LRRC2: variants seen among roughly 807,000 people sequenced by gnomAD.
LRRC2 encodes the protein leucine-rich repeat-containing protein 2.
Under a neutral mutation model 40.2 loss-of-function variants are expected in LRRC2, and 27 were observed. The ratio of observed to expected loss-of-function variants is 0.67; its 90% CI spans 0.49 to 0.93. LRRC2 has a LOEUF of 0.93. Ranked by LOEUF, LRRC2 falls within the 40% of genes least tolerant of loss-of-function variation. The pLI is 0.00. For missense variants in LRRC2, 402 were observed against 439.6 expected (o/e 0.91, Z 0.76); for synonymous variants, 147 against 158.9 (o/e 0.92, Z 0.56).
At chr3:46,543,857 A>G (rs937310748) in intron 3 of LRRC2, among the ~76,000 whole-genome samples, 2 of 151,982 alleles carry the variant, frequency 1.3e-5, no homozygotes, top group African/African-American at 2.4e-5. Flanking sequence ...ACTGATCTCA[A>G]TGATGGGGAT....
intron 1 of LRRC2, among the ~76,000 whole-genome samples, chr3:46,556,581 T>C (rs1177961648): frequency 2.8e-5 from 4 of 144,798 alleles, no homozygotes; most frequent in Non-Finnish European, 6.1e-5. Flanking sequence ...TATTTCTTTT[T>C]TTTTTTTTTT....
intron 7 of LRRC2, among the ~76,000 whole-genome samples, chr3:46,525,734 T>A (rs1704047851): frequency 6.6e-6 from 1 of 152,180 alleles, no homozygotes. Context: ...TTGGAAGAAA[T>A]CACATCTTTA....
At chr3:46,540,038 G>A (rs1331815975) in intron 3 of LRRC2, among the ~76,000 whole-genome samples, 1 of 152,214 alleles carries the variant, frequency 6.6e-6, no homozygotes, top group East Asian at 1.9e-4. Context: ...GGTGGAGGTG[G>A]GATGAGGTGT....
intron 3 of LRRC2, among the ~76,000 whole-genome samples, chr3:46,542,735 C>G (rs1300032095): frequency 6.6e-6 from 1 of 152,134 alleles, no homozygotes; most frequent in Non-Finnish European, 1.5e-5. Context: ...ATGAAAAATT[C>G]TATTGCAGGG....
At chr3:46,525,421 C>A (rs931510178) in intron 7 of LRRC2, among the ~76,000 whole-genome samples, 2 of 151,720 alleles carry the variant, frequency 1.3e-5, no homozygotes, top group African/African-American at 2.4e-5. Flanking sequence ...TGGCTAATTT[C>A]TTAATTTTTT....
At chr3:46,538,362 C>T (rs1406427683) in intron 4 of LRRC2, among the ~76,000 whole-genome samples, 1 of 152,208 alleles carries the variant, frequency 6.6e-6, no homozygotes, top group Non-Finnish European at 1.5e-5. Context: ...AGGCTGGTTA[C>T]TGTGGCTCAT....
intron 4 of LRRC2, among the ~76,000 whole-genome samples, chr3:46,537,821 C>G (rs1056752587): frequency 6.6e-6 from 1 of 152,222 alleles, no homozygotes; most frequent in Non-Finnish European, 1.5e-5. Context: ...GGCTCCTGGT[C>G]CAACACAGCA....
At position 46,532,845 on chromosome 3, in the gene LRRC2, T is replaced by A. The variant is rs752735161; in HGVS notation, c.555A>T (p.Glu185Asp). 3.1e-6 allele frequency: 5 copies of A among 1,613,980 alleles called. No individual in the cohort carries two copies. The highest frequency in any genetic ancestry group is 4.2e-6 in the Non-Finnish European group (5 of 1,179,858). Residue 185 changes from glutamate to aspartate, a missense_variant, in exon 5 of 9, where the codon GAA becomes GAT. By Grantham distance (45) the Glu-to-Asp change is conservative. Coordinates refer to ENST00000395905, the MANE Select transcript of LRRC2 (RefSeq NM_024512.5). ...TCTCTAGATTTTCACAATCTCCCAA[T>A]TCTGGAGGAATGCTCTTCAGATAGT... The part of the protein sequence containing the change: ...GFNYLKSIPP[E>D]LGDCENLERL...
intron 3 of LRRC2, among the ~76,000 whole-genome samples, chr3:46,539,588 C>T (rs1704342534): frequency 6.6e-6 from 1 of 152,186 alleles, no homozygotes; most frequent in Non-Finnish European, 1.5e-5. Flanking sequence ...TCTGTAGTTG[C>T]TTTTAGAAAT....
intron 4 of LRRC2, among the ~76,000 whole-genome samples, chr3:46,535,790 A>G (rs772541808): frequency 1.3e-5 from 2 of 152,188 alleles, no homozygotes; most frequent in Admixed American, 6.5e-5. Context: ...AAATAACATT[A>G]ACATAAAGAT....
intron 1 of LRRC2, among the ~76,000 whole-genome samples, chr3:46,561,317 T>C (rs896679356): frequency 6.6e-5 from 10 of 152,066 alleles, no homozygotes; most frequent in African/African-American, 2.4e-4. Flanking sequence ...GGTGGGTGGA[T>C]TGCTTAAGCT....
intron 3 of LRRC2, 151 bp from the exon 4 acceptor site, chr3:46,539,352 A>G (rs1473656679): frequency 8.5e-6 from 6 of 702,548 alleles, no homozygotes; most frequent in Non-Finnish European, 1.4e-5. Context: ...TTCAAAAAGA[A>G]ACCAAAGACA....
At chr3:46,541,402 G>A (rs962659158) in intron 3 of LRRC2, among the ~76,000 whole-genome samples, 2 of 150,656 alleles carry the variant, frequency 1.3e-5, no homozygotes, top group African/African-American at 2.4e-5. Flanking sequence ...GAAAAGAATC[G>A]AGTAAAAATG....
chr3:46,528,733 A>AT (rs775383436), intron 6 of LRRC2, among the ~76,000 whole-genome samples: 1 of 152,212 alleles, frequency 6.6e-6, no homozygotes, highest in Non-Finnish European at 1.5e-5. Context: ...TGTACCAGGA[A>AT]TAAAAAAAAG....
chr3:46,561,471 T>A (rs1223354119), intron 1 of LRRC2, among the ~76,000 whole-genome samples: 3 of 152,162 alleles, frequency 2.0e-5, no homozygotes, highest in Non-Finnish European at 4.4e-5. Flanking sequence ...GAGGATCACT[T>A]GGGCCTGGGA....
At chr3:46,542,769 C>T (rs886467852) in intron 3 of LRRC2, among the ~76,000 whole-genome samples, 4 of 152,148 alleles carry the variant, frequency 2.6e-5, no homozygotes, top group Non-Finnish European at 5.9e-5. Context: ...TTGAGGATCT[C>T]CCCTATACGA....
intron 7 of LRRC2, among the ~76,000 whole-genome samples, chr3:46,524,115 T>TC: frequency 6.6e-6 from 1 of 152,234 alleles, no homozygotes; most frequent in Admixed American, 6.5e-5. Context: ...AAATAATATT[T>TC]ACGTTTTTGT....
intron 3 of LRRC2, among the ~76,000 whole-genome samples, chr3:46,539,996 A>C (rs1167405885): frequency 1.3e-5 from 2 of 152,224 alleles, no homozygotes; most frequent in African/African-American, 4.8e-5. Context: ...AGCTGACCAC[A>C]ACGCACCATC....
intron 5 of LRRC2, among the ~76,000 whole-genome samples, chr3:46,531,035 G>A (rs377550484): frequency 1.6e-4 from 25 of 152,242 alleles, no homozygotes; most frequent in East Asian, 1.5e-3. Context: ...CCCCCCTGAC[G>A]TATGTCAGGA....
Sources: allele counts gnomAD v4.1 joint callset (sites outside exome capture counted in the v4.1 genomes callset), GRCh38; gene constraint gnomAD v4.1.1; transcripts MANE v1.5; gene names NCBI Gene and HGNC (gene_info 2026-07-23, HGNC 2026-07-21).